The following ADAM10 variants were observed in gnomAD, a reference collection of about 807,000 sequenced individuals.
ADAM10 encodes disintegrin and metalloproteinase domain-containing protein 10.
A neutral mutation model predicts 90.1 loss-of-function variants in ADAM10; 17 were observed. That is an observed-to-expected ratio of 0.19 (90% CI 0.13 to 0.28). The LOEUF is 0.28. Ranked by LOEUF, ADAM10 falls within the 10% of genes least tolerant of loss-of-function variation. ADAM10 has a pLI of 1.00. For missense variants in ADAM10, 610 were observed against 914.3 expected (o/e 0.67, Z 4.29); for synonymous variants, 310 against 298.6 (o/e 1.04, Z -0.40).
At chr15:58,674,040 CTTTT>C (rs113283500) in intron 4 of ADAM10, among the ~76,000 whole-genome samples, 3 of 151,962 alleles carry the variant, frequency 2.0e-5, no homozygotes, top group African/African-American at 4.8e-5. Flanking sequence ...GCCACTGCCT[CTTTT>C]TTTGTGATTT....
In ADAM10 at chr15:58,599,318, T is replaced by A. The variant is rs1398128758; in HGVS notation, c.2152+280A>T. Among the ~76,000 whole-genome samples, 169 of 141,750 alleles carry A rather than the reference T, an allele frequency of 1.2e-3. 1 individual carries two copies. Among genetic ancestry groups the A allele is most frequent in the Middle Eastern group, 3.6e-3 (1 of 276 alleles). 93.0% of individuals were successfully genotyped at this position (141,750 alleles called of 152,430 possible). A position where few individuals can be genotyped will look rare whatever the true frequency, so the allele number is the denominator to read the frequency against. On this transcript the variant is annotated intron_variant, in intron 15 of 15. Coordinates refer to ENST00000260408, the MANE Select transcript of ADAM10 (RefSeq NM_001110.4). ...GCAAGGGAATATGTTAGAATATATT[T>A]AAAAAAAAAAAAACAAGAAAACAAA...
chr15:58,662,725 T>G lies in ADAM10; in HGVS notation c.585+2372A>C, dbSNP rs1458167330. Among the ~76,000 whole-genome samples, 3 of 152,166 alleles carry G rather than the reference T, an allele frequency of 2.0e-5. No homozygotes were observed. The South Asian group carries it at 6.2e-4, about 32-fold the overall frequency. The stretch of plus-strand genomic sequence containing the variant: ...TGTCTCATGGTTTTCTCAAAGAATT[T>G]CATCCCGTGCAGGCAGGCACAGCTT... On this transcript the variant is annotated intron_variant, in intron 5 of 15. Transcript: ENST00000260408.
At chr15:58,664,918 A>G (rs1274925625) in intron 5 of ADAM10, among the ~76,000 whole-genome samples, 179 bp downstream of exon 5, 1 of 152,152 alleles carries the variant, frequency 6.6e-6, no homozygotes, top group Non-Finnish European at 1.5e-5. Flanking sequence ...ATTTGTATTC[A>G]AACCTCAGTC....
intron 8 of ADAM10, among the ~76,000 whole-genome samples, chr15:58,637,149 C>G: frequency 6.6e-6 from 1 of 152,120 alleles, no homozygotes; most frequent in East Asian, 1.9e-4. Flanking sequence ...AAGTTCTGTA[C>G]GCTCTCAAAT....
Position 58,708,015 on chromosome 15 carries a change from T to G in ADAM10, c.206+9562A>C, listed in dbSNP as rs1349757947. Among the ~76,000 whole-genome samples, 11 of 151,602 alleles carry G rather than the reference T, an allele frequency of 7.3e-5. No individual in the cohort carries two copies. The East Asian group carries it at 2.0e-3, about 27-fold the overall frequency. On this transcript the variant is annotated intron_variant, in intron 2 of 15. Transcript: ENST00000260408. Reference sequence around the variant, plus strand: ...TCACTGGAACCCAGGAGGTGGAGGTTGCAATGAGTGAAGATCGCGCCACTG... The same window carrying G: ...TCACTGGAACCCAGGAGGTGGAGGTGGCAATGAGTGAAGATCGCGCCACTG...
At chr15:58,638,267 G>C (rs1269611536) in intron 8 of ADAM10, among the ~76,000 whole-genome samples, 1 of 152,088 alleles carries the variant, frequency 6.6e-6, no homozygotes, top group East Asian at 1.9e-4. Context: ...GGGATACAAA[G>C]TTGACAACGG....
In ADAM10 at chr15:58,589,150, A is replaced by G. The variant is rs538844730; in HGVS notation, c.*8397T>C. On this transcript the variant is annotated 3_prime_UTR_variant, in exon 16 of 16. Transcript: ENST00000260408. ...ATTTACAAAGCACACAACAAAACAA[A>G]TGTTTATTGAACACCTACTATAGCC... is the stretch of plus-strand genomic sequence containing the variant. 8 of 152,350 alleles carry G rather than the reference A, an allele frequency of 5.3e-5. No individual in the cohort carries two copies. In the South Asian group the frequency reaches 1.2e-3, roughly 24 times the overall value. The allele number at this position is 152,350 out of a possible 1,614,324, so 9.4% of individuals were successfully genotyped here. A position where few individuals can be genotyped will look rare whatever the true frequency, so the allele number is the denominator to read the frequency against.
At position 58,698,406 on chromosome 15, in the gene ADAM10, T is replaced by TAAAA. The variant is rs56797082; in HGVS notation, c.207-16096_207-16093dup. The TAAAA allele has an allele frequency of 5.1e-3, 1,028 of 201,136 alleles. 1 individual carries two copies. The highest frequency in any genetic ancestry group is 0.017 in the South Asian group (352 of 20,326). The allele number at this position is 201,136 out of a possible 1,614,324, so 12.5% of individuals were successfully genotyped here. A position where few individuals can be genotyped will look rare whatever the true frequency, so the allele number is the denominator to read the frequency against. The stretch of plus-strand genomic sequence containing the variant: ...GGGCAACACGGCAAAACCCCATCTC[T>TAAAA]AAAAAAAAAAAAAAAAAAAATTAGC... On this transcript the variant is annotated intron_variant, in intron 2 of 15. Coordinates refer to ENST00000260408, the MANE Select transcript of ADAM10 (RefSeq NM_001110.4).
At chr15:58,730,266 T>C (rs530264356) in intron 1 of ADAM10, among the ~76,000 whole-genome samples, 23 of 152,312 alleles carry the variant, frequency 1.5e-4, no homozygotes, top group Admixed American at 1.4e-3. Context: ...TCAGGCAATA[T>C]ACTGAGTAGA....
intron 2 of ADAM10, among the ~76,000 whole-genome samples, chr15:58,694,681 C>T (rs923391235): frequency 6.6e-6 from 1 of 151,510 alleles, no homozygotes; most frequent in African/African-American, 2.4e-5. Context: ...CTGAACATAA[C>T]CTAAATGTCT....
At chr15:58,696,542 C>G (rs915466237) in intron 2 of ADAM10, among the ~76,000 whole-genome samples, 1 of 151,366 alleles carries the variant, frequency 6.6e-6, no homozygotes, top group East Asian at 1.9e-4. Flanking sequence ...CTCGGCTCAC[C>G]GCAACCTCCG....
intron 9 of ADAM10, among the ~76,000 whole-genome samples, chr15:58,629,899 T>TG (rs1319567632): frequency 5.3e-5 from 8 of 152,136 alleles, no homozygotes; most frequent in African/African-American, 1.7e-4. Context: ...CTCGAGTAGC[T>TG]GGGACTACAG....
chr15:58,604,276 G>T (rs190242911), intron 14 of ADAM10, among the ~76,000 whole-genome samples: 394 of 152,284 alleles, frequency 2.6e-3, no homozygotes, highest in Non-Finnish European at 4.2e-3. Context: ...CAGGAGAACC[G>T]CTTGAACCTG....
chr15:58,664,265 T>A (rs1596043791), intron 5 of ADAM10, among the ~76,000 whole-genome samples: 1 of 152,086 alleles, frequency 6.6e-6, no homozygotes, highest in African/African-American at 2.4e-5. Flanking sequence ...AACCCTCTCC[T>A]ACTACTCTAA....
intron 2 of ADAM10, among the ~76,000 whole-genome samples, chr15:58,695,413 T>A (rs1897948595): frequency 1.3e-5 from 2 of 152,338 alleles, no homozygotes; most frequent in South Asian, 4.1e-4. Flanking sequence ...AGGCCATATA[T>A]GTGACTGTAA....
intron 3 of ADAM10, among the ~76,000 whole-genome samples, chr15:58,681,036 C>G (rs143073037): frequency 6.6e-6 from 1 of 152,206 alleles, no homozygotes; most frequent in Non-Finnish European, 1.5e-5. Flanking sequence ...GTCTCAAACT[C>G]CAGGTCTCAA....
chr15:58,599,748 C>T, intron 14 of ADAM10, 24 bp from the exon 15 acceptor site: 2 of 1,535,726 alleles, frequency 1.3e-6, no homozygotes. Flanking sequence ...GATTTTTCCA[C>T]TGAAAAAAAA....
At chr15:58,706,466 T>A (rs1272851096) in intron 2 of ADAM10, among the ~76,000 whole-genome samples, 1 of 152,146 alleles carries the variant, frequency 6.6e-6, no homozygotes, top group Non-Finnish European at 1.5e-5. Context: ...GAGTCTCCAT[T>A]CAAATTATTT....
intron 1 of ADAM10, among the ~76,000 whole-genome samples, chr15:58,743,592 C>G (rs574492084): frequency 3.9e-5 from 6 of 151,958 alleles, no homozygotes; most frequent in Non-Finnish European, 8.8e-5. Flanking sequence ...CACTGACTTT[C>G]CTTTAAACAA....
Sources: gnomAD v4.1 joint callset for allele counts (sites outside exome capture counted in the v4.1 genomes callset) on GRCh38, gnomAD v4.1.1 for gene constraint, MANE v1.5 for transcripts, NCBI Gene and HGNC (gene_info 2026-07-23, HGNC 2026-07-21) for gene names.